ANKRD39: variants seen among roughly 807,000 people sequenced by gnomAD.
The protein encoded by ANKRD39 is ankyrin repeat domain-containing protein 39.
In ANKRD39, 18 loss-of-function variants were observed where a neutral mutation model predicts 20.3. The ratio of observed to expected loss-of-function variants is 0.89; its 90% CI spans 0.61 to 1.32. The LOEUF (loss-of-function observed/expected upper bound fraction) is 1.32. Ranked by LOEUF, ANKRD39 falls within the 40% of genes most tolerant of loss-of-function variation. The pLI is 0.00. For synonymous variants in ANKRD39, 106 were observed against 111.9 expected, an observed-to-expected ratio of 0.95 and a Z score of 0.33; for missense variants, 243 against 250.7, an observed-to-expected ratio of 0.97 and a Z score of 0.21.
At chr2:96,854,981 C>T (rs1252051929) in intron 1 of ANKRD39, among the ~76,000 whole-genome samples, 3 of 152,184 alleles carry the variant, frequency 2.0e-5, no homozygotes, top group African/African-American at 7.2e-5. Context: ...GGCAGTGTGA[C>T]AATCTCCCAC....
intron 1 of ANKRD39, among the ~76,000 whole-genome samples, 183 bp downstream of exon 1, chr2:96,857,705 G>T (rs1453758097): frequency 6.6e-6 from 1 of 152,232 alleles, no homozygotes; most frequent in African/African-American, 2.4e-5. Context: ...GGCCGAGCTC[G>T]TGCGGGGCCC....
chr2:96,849,565 G>A (rs1032498296), intron 3 of ANKRD39, among the ~76,000 whole-genome samples: 1 of 152,122 alleles, frequency 6.6e-6, no homozygotes, highest in Non-Finnish European at 1.5e-5. Context: ...CACGAGAATC[G>A]CTTGAACCTG....
chr2:96,850,868 C>T (rs1367936857), intron 3 of ANKRD39, among the ~76,000 whole-genome samples: 1 of 152,176 alleles, frequency 6.6e-6, no homozygotes, highest in Non-Finnish European at 1.5e-5. Flanking sequence ...GTCTGAGCAA[C>T]ACCATTAAAA....
At chr2:96,857,762 C>T in intron 1 of ANKRD39, 126 bp downstream of exon 1, 1 of 1,020,622 alleles carries the variant, frequency 9.8e-7, no homozygotes, top group Non-Finnish European at 1.4e-6. Flanking sequence ...CCCGCCTTCC[C>T]GCACCAGGCC....
intron 3 of ANKRD39, among the ~76,000 whole-genome samples, chr2:96,852,471 C>A (rs1574135578): frequency 1.8e-5 from 2 of 112,036 alleles, no homozygotes; most frequent in East Asian, 2.5e-4. Context: ...GACAAGAGCT[C>A]AGGAGAAAAC....
At chr2:96,850,703 C>T (rs1481101086) in intron 3 of ANKRD39, among the ~76,000 whole-genome samples, 3 of 151,508 alleles carry the variant, frequency 2.0e-5, no homozygotes, top group Admixed American at 6.6e-5. Context: ...CAAAAACATA[C>T]ACAATAAAGA....
chr2:96,850,929 T>C (rs552143095), intron 3 of ANKRD39, among the ~76,000 whole-genome samples: 4 of 151,292 alleles, frequency 2.6e-5, no homozygotes, highest in South Asian at 2.1e-4. Context: ...AAACCCAACA[T>C]TTAGCTGTTC....
chr2:96,855,648 A>T (rs917817797), intron 1 of ANKRD39, among the ~76,000 whole-genome samples: 3 of 150,150 alleles, frequency 2.0e-5, no homozygotes, highest in Non-Finnish European at 3.0e-5. Context: ...GCGTGAACCC[A>T]GGAGGCAGAG....
intron 3 of ANKRD39, 21 bp from the exon 4 acceptor site, chr2:96,848,465 A>C: frequency 6.2e-7 from 1 of 1,613,070 alleles, no homozygotes; most frequent in African/African-American, 1.3e-5. Flanking sequence ...AAAGGCTGGA[A>C]TCAAAGGGCA....
chr2:96,848,949 G>C (rs949314097), intron 3 of ANKRD39, among the ~76,000 whole-genome samples: 1 of 152,134 alleles, frequency 6.6e-6, no homozygotes, highest in Non-Finnish European at 1.5e-5. Context: ...GTTAGCTTGA[G>C]TTTTTCTTTC....
At chr2:96,853,345 A>G in intron 3 of ANKRD39, 56 bp downstream of exon 3, 2 of 1,513,218 alleles carry the variant, frequency 1.3e-6, no homozygotes, top group South Asian at 1.2e-5. Flanking sequence ...CTACATGAAC[A>G]TGTTATAACT....
chr2:96,855,953 G>T (rs539483569), intron 1 of ANKRD39, among the ~76,000 whole-genome samples: 1 of 151,402 alleles, frequency 6.6e-6, no homozygotes. Flanking sequence ...AAAGCCTGGG[G>T]ACAGAGCCAG....
rs777047701 is a variant in ANKRD39 at position 96,848,376 on chromosome 2, G to T, written c.477C>A (p.Ile159=). ...ATGCTAGCCGTGCCTTTCGGTCCCG[G>T]ATGGCCTTCAGGGCTGGGCTGTGTT... ...LLQHSPALKA[I]RDRKARLACD... The change falls in exon 4 of 4, where the codon ATC becomes ATA. Residue 159 remains isoleucine (I), a synonymous_variant. Transcript: ENST00000393537. 2 of 1,614,082 alleles carry T rather than the reference G, an allele frequency of 1.2e-6. No homozygotes were observed. The highest frequency in any genetic ancestry group is 1.3e-5 in the African/African-American group (1 of 74,920).
Position 96,854,444 on chromosome 2 carries a change from G to C in ANKRD39, c.101-3C>G, listed in dbSNP as rs1217072687. The C allele has an allele frequency of 2.5e-6, 4 of 1,613,896 alleles. No homozygotes were observed. Among genetic ancestry groups the C allele is most frequent in the Non-Finnish European group, 3.4e-6 (4 of 1,179,938 alleles). ...ATTCAGGGCTGCCGACCAGATTCCT[G>C]CAGAAAGGCAACCAAAGGACTGAAT... On this transcript the variant is annotated splice_region_variant and splice_polypyrimidine_tract_variant and intron_variant, in intron 1 of 3. Coordinates refer to ENST00000393537, the MANE Select transcript of ANKRD39 (RefSeq NM_016466.6).
rs2079848880 is a variant in ANKRD39, at chr2:96,853,546, G to A, written c.263C>T (p.Ala88Val). Residue 88 changes from alanine to valine, a missense_variant, in exon 3 of 4, where the codon GCT (alanine) becomes GTT (valine). Physicochemically the swap from Ala to Val is moderately conservative, Grantham distance 64. Transcript: ENST00000393537. ...CCCGTGGGTCTGGGCATCACACTTAGCTCCGCTTTCCAGCAGGAACTGGCA... is the reference window on the plus strand; with the variant it reads ...CCCGTGGGTCTGGGCATCACACTTAACTCCGCTTTCCAGCAGGAACTGGCA... ...AVCQFLLESG[A>V]KCDAQTHGGA... The A allele has an allele frequency of 6.2e-7, 1 of 1,612,920 alleles. No homozygotes were observed. Among genetic ancestry groups the A allele is most frequent in the Admixed American group, 1.7e-5 (1 of 60,004 alleles).
intron 3 of ANKRD39, 81 bp downstream of exon 3, chr2:96,853,319 GT>G: frequency 6.9e-7 from 1 of 1,459,456 alleles, no homozygotes. Context: ...CTGATTTCCT[GT>G]TTTCCCCATG....
At chr2:96,854,016 A>G (rs1487705183) in intron 2 of ANKRD39, among the ~76,000 whole-genome samples, 1 of 152,138 alleles carries the variant, frequency 6.6e-6, no homozygotes, top group Non-Finnish European at 1.5e-5. Context: ...AGTCTCAGCT[A>G]CTCAGGAGGC....
chr2:96,856,548 T>C (rs943834617), intron 1 of ANKRD39, among the ~76,000 whole-genome samples: 2 of 152,072 alleles, frequency 1.3e-5, no homozygotes, highest in African/African-American at 4.8e-5. Context: ...TGTTTACTTC[T>C]TAACAGCACA....
intron 3 of ANKRD39, among the ~76,000 whole-genome samples, chr2:96,849,778 A>C (rs1160718217): frequency 2.0e-5 from 3 of 152,194 alleles, no homozygotes; most frequent in Non-Finnish European, 4.4e-5. Context: ...GGCATGAGCC[A>C]AAGTGCCTGG....
Sources: allele counts gnomAD v4.1 joint callset (sites outside exome capture counted in the v4.1 genomes callset), GRCh38; gene constraint gnomAD v4.1.1; transcripts MANE v1.5; gene names NCBI Gene and HGNC (gene_info 2026-07-23, HGNC 2026-07-21).